The following EML5 variants were observed in gnomAD, a reference collection of about 807,000 sequenced individuals.
The protein encoded by EML5 is echinoderm microtubule-associated protein-like 5.
In EML5, 120 loss-of-function variants were observed where a neutral mutation model predicts 250.0. The ratio of observed to expected loss-of-function variants is 0.48; its 90% CI spans 0.41 to 0.56. The LOEUF (loss-of-function observed/expected upper bound fraction) is 0.56. EML5 is among the 20% of genes least tolerant of loss of function. EML5 has a pLI of 0.00. For synonymous variants in EML5, 771 were observed against 806.5 expected (o/e 0.96, Z 0.75); for missense variants, 2,006 against 2,437.6 (o/e 0.82, Z 3.73).
intron 12 of EML5, 42 bp from the exon 13 acceptor site, chr14:88,705,020 A>T: frequency 7.2e-7 from 1 of 1,380,074 alleles, no homozygotes; most frequent in Non-Finnish European, 1.0e-6. Context: ...TAGAATATAT[A>T]CTAATAAAGG....
intron 1 of EML5, among the ~76,000 whole-genome samples, chr14:88,787,764 T>A (rs2094565921): frequency 6.6e-6 from 1 of 152,224 alleles, no homozygotes; most frequent in African/African-American, 2.4e-5. Context: ...TCTAGTTACT[T>A]AAGCACAGGG....
At chr14:88,755,801 T>C (rs749834700) in intron 1 of EML5, among the ~76,000 whole-genome samples, 17 of 152,026 alleles carry the variant, frequency 1.1e-4, no homozygotes, top group Non-Finnish European at 2.5e-4. Context: ...AAGATCACCC[T>C]GGGAAACACA....
At chr14:88,672,985 T>C (rs1371250540) in intron 21 of EML5, among the ~76,000 whole-genome samples, 1 of 152,126 alleles carries the variant, frequency 6.6e-6, no homozygotes, top group Non-Finnish European at 1.5e-5. Context: ...CCATTTCTTC[T>C]GAAACTATTC....
At chr14:88,668,764 G>T (rs1368298873) in intron 21 of EML5, among the ~76,000 whole-genome samples, 2 of 152,136 alleles carry the variant, frequency 1.3e-5, no homozygotes, top group East Asian at 3.9e-4. Context: ...GATTAATATA[G>T]TAAGTATCCT....
At position 88,673,841 on chromosome 14, in the gene EML5, AAAACTACAAACCACTGCTCAAGG is replaced by A. The variant is rs1008882066; in HGVS notation, c.3124+8026_3124+8048del. Among the ~76,000 whole-genome samples, 16 of 152,352 alleles carry A rather than the reference AAAACTACAAACCACTGCTCAAGG, an allele frequency of 1.1e-4. No homozygotes were observed. The South Asian group carries it at 2.7e-3, about 26-fold the overall frequency. ...ACAAGGGAAGTGAAGGACCTCTTCAAAAACTACAAACCACTGCTCAAGGAAATAAAAGAGGACAGAAACAAATG... is the reference window on the plus strand; with the variant it reads ...ACAAGGGAAGTGAAGGACCTCTTCAAAAATAAAAGAGGACAGAAACAAATG... On this transcript the variant is annotated intron_variant, in intron 21 of 43. Coordinates refer to ENST00000554922, the MANE Select transcript of EML5 (RefSeq NM_183387.3).
chr14:88,744,031 GT>G lies in EML5; in HGVS notation c.516del (p.Lys172AsnfsTer13). 1 of 1,568,684 alleles carries G rather than the reference GT, an allele frequency of 6.4e-7. No homozygotes were observed. Among genetic ancestry groups the G allele is most frequent in the South Asian group, 1.2e-5 (1 of 84,616 alleles). On this transcript the variant is annotated frameshift_variant, in exon 4 of 44. Transcript: ENST00000554922. LOFTEE classifies it high-confidence loss of function. The part of the protein sequence containing the change: ...QPNKLVSCGV[K>X]HIKFWSLCGN... ...CAAGACCCTTCTAGTACCTTGATAT[GT>G]TTTACACCACAGCTGACAAGTTTAT...
chr14:88,663,201 TG>T, intron 23 of EML5, 82 bp from the exon 24 acceptor site: 2 of 951,000 alleles, frequency 2.1e-6, no homozygotes, highest in Non-Finnish European at 2.9e-6. Flanking sequence ...TTAAGTTTTA[TG>T]GGAAAAAATC....
In EML5 at chr14:88,681,801, T is replaced by A. The variant is rs573343455; in HGVS notation, c.3124+89A>T. On this transcript the variant is annotated intron_variant, in intron 21 of 43. Coordinates refer to ENST00000554922, the MANE Select transcript of EML5 (RefSeq NM_183387.3). ...TATTTCAACATATTTAAAGCCTTTTTAAAATGTGCCTAGTTTTGCTTTCTT... is the reference window on the plus strand; with the variant it reads ...TATTTCAACATATTTAAAGCCTTTTAAAAATGTGCCTAGTTTTGCTTTCTT... The A allele has an allele frequency of 5.1e-6, 7 of 1,378,362 alleles. No homozygotes were observed. In the Admixed American group the frequency reaches 8.8e-5, roughly 17 times the overall value. 85.4% of individuals were successfully genotyped at this position (1,378,362 alleles called of 1,614,324 possible).
At chr14:88,742,247 AAAATATTACACAC>A (rs2093935248) in intron 4 of EML5, among the ~76,000 whole-genome samples, 1 of 152,170 alleles carries the variant, frequency 6.6e-6, no homozygotes, top group Non-Finnish European at 1.5e-5. Context: ...AGTGATGATG[AAAATATTACACAC>A]ACACACACGC....
chr14:88,769,451 C>T (rs1270463783), intron 1 of EML5, among the ~76,000 whole-genome samples: 1 of 152,154 alleles, frequency 6.6e-6, no homozygotes, highest in African/African-American at 2.4e-5. Context: ...GCCAGCTAAA[C>T]CTCTTTTCTT....
At chr14:88,690,476 T>C (rs1399555903) in intron 17 of EML5, among the ~76,000 whole-genome samples, 1 of 152,198 alleles carries the variant, frequency 6.6e-6, no homozygotes, top group Non-Finnish European at 1.5e-5. Flanking sequence ...AGACTGTCTT[T>C]TCTCAACATA....
At chr14:88,782,973 G>A (rs1036475891) in intron 1 of EML5, among the ~76,000 whole-genome samples, 2 of 152,154 alleles carry the variant, frequency 1.3e-5, no homozygotes, top group African/African-American at 4.8e-5. Flanking sequence ...CAGCTACTCA[G>A]GAGGCTGAAA....
intron 4 of EML5, among the ~76,000 whole-genome samples, chr14:88,741,229 C>T (rs955441668): frequency 6.6e-6 from 1 of 151,880 alleles, no homozygotes; most frequent in African/African-American, 2.4e-5. Flanking sequence ...GGTAAGTCAT[C>T]ATAGACTAAG....
chr14:88,616,772 T>G lies in EML5; in HGVS notation c.5750A>C (p.Asp1917Ala). ...GTCAAATAACTTAACCATGCCAAAG[T>G]CATCTCCTGTAACAAGACTGATTCC... is the stretch of plus-strand genomic sequence containing the variant. ...HSGISLVTGD[D>A]FGMVKLFDFP... Residue 1917 changes from aspartate (D) to alanine (A), a missense_variant, in exon 42 of 44, where the codon GAC (aspartate) becomes GCC (alanine). This residue lies in a region of EML5 where 405 missense variants were observed against 523.3 expected (regional missense o/e 0.77). Transcript: ENST00000554922. 1 of 1,613,894 alleles carries G rather than the reference T, an allele frequency of 6.2e-7. No individual in the cohort carries two copies.
chr14:88,732,604 A>G (rs1239531438), intron 7 of EML5, among the ~76,000 whole-genome samples: 1 of 152,176 alleles, frequency 6.6e-6, no homozygotes. Flanking sequence ...GAAGAAAGTC[A>G]TTGGTAGCTT....
rs1595590480 is a variant in EML5 at position 88,704,982 on chromosome 14, T to C, written c.1933-4A>G. The C allele has an allele frequency of 6.4e-7, 1 of 1,568,544 alleles. No individual in the cohort carries two copies. Among genetic ancestry groups the C allele is most frequent in the Admixed American group, 1.7e-5 (1 of 58,876 alleles). On this transcript the variant is annotated splice_region_variant and splice_polypyrimidine_tract_variant and intron_variant, in intron 12 of 43. Transcript: ENST00000554922. ...GAGGTAGATCTTCTTTGTAAACCTT[T>C]AAAAATGTATACAAGTAGAAATATT...
chr14:88,704,726 T>C, intron 13 of EML5, 134 bp downstream of exon 13: 1 of 591,526 alleles, frequency 1.7e-6, no homozygotes, highest in Non-Finnish European at 2.9e-6. Context: ...GTGATGTGTT[T>C]TCCCCATGGG....
At position 88,615,890 on chromosome 14, in the gene EML5, AT is replaced by A. The variant is rs762120554; in HGVS notation, c.5898-37del. On this transcript the variant is annotated intron_variant, in intron 43 of 43. Coordinates refer to ENST00000554922, the MANE Select transcript of EML5 (RefSeq NM_183387.3). ...AGAAGAAAATTGCAGGGAGTTAATTATGTTTTTAGATTTTCATAACAGTTTA... is the reference window on the plus strand; with the variant it reads ...AGAAGAAAATTGCAGGGAGTTAATTAGTTTTTAGATTTTCATAACAGTTTA... 3 of 1,592,062 alleles carry A rather than the reference AT, an allele frequency of 1.9e-6. No homozygotes were observed. The South Asian group carries it at 3.4e-5, about 18-fold the overall frequency.
chr14:88,687,116 G>A lies in EML5; in HGVS notation c.2854+100C>T, dbSNP rs572628484. The A allele has an allele frequency of 2.7e-4, 243 of 891,866 alleles. 3 individuals are homozygous for A. The South Asian group carries it at 2.8e-3, about 10-fold the overall frequency. 55.2% of individuals were successfully genotyped at this position (891,866 alleles called of 1,614,324 possible). The stretch of plus-strand genomic sequence containing the variant: ...ACTTAATTCTGATGCCCAACAAGAC[G>A]GAAAAATACATGCCATGTGTTCCAC... On this transcript the variant is annotated intron_variant, in intron 19 of 43. Coordinates refer to ENST00000554922, the MANE Select transcript of EML5 (RefSeq NM_183387.3).
Sources: gnomAD v4.1 joint callset for allele counts (sites outside exome capture counted in the v4.1 genomes callset) on GRCh38, gnomAD v4.1.1 for gene constraint, gnomAD v4.1.1 regional missense constraint, MANE v1.5 for transcripts, NCBI Gene and HGNC (gene_info 2026-07-23, HGNC 2026-07-21) for gene names.